STON2: variants seen among roughly 807,000 people sequenced by gnomAD.
STON2 encodes the protein stonin-2.
In STON2, 29 loss-of-function variants were observed where a neutral mutation model predicts 65.7. The observed-to-expected ratio is 0.44, with a 90% CI of 0.33 to 0.60. The LOEUF (loss-of-function observed/expected upper bound fraction) is 0.60, where lower values mean the gene tolerates loss of function less well. STON2 is among the 20% of genes least tolerant of loss of function. The probability of loss-of-function intolerance (pLI) is 0.03; values close to 1 mark genes in which losing one functional copy is unlikely to be tolerated. For missense variants in STON2, 1,054 were observed against 1,118.1 expected, an observed-to-expected ratio of 0.94 and a Z score of 0.82; for synonymous variants, 404 against 414.2, an observed-to-expected ratio of 0.98 and a Z score of 0.30.
chr14:81,271,895 T>C (rs1275321902), intron 6 of STON2, among the ~76,000 whole-genome samples: 1 of 152,148 alleles, frequency 6.6e-6, no homozygotes, highest in East Asian at 1.9e-4. Context: ...CTTCATTTTA[T>C]AGTCGAGGAA....
upstream of STON2, among the ~76,000 whole-genome samples, chr14:81,401,813 T>G (rs776511749): frequency 1.3e-5 from 2 of 152,150 alleles, no homozygotes; most frequent in Non-Finnish European, 2.9e-5. Context: ...ATGGGGGTCA[T>G]AGAAGTAGTT....
At chr14:81,292,589 G>A (rs1382607781) in intron 5 of STON2, among the ~76,000 whole-genome samples, 1 of 152,182 alleles carries the variant, frequency 6.6e-6, no homozygotes, top group East Asian at 1.9e-4. Context: ...CTGCCACCAT[G>A]TGAAGAAGGA....
chr14:81,391,102 TC>T (rs1419348198), intron 3 of STON2, among the ~76,000 whole-genome samples: 2 of 152,156 alleles, frequency 1.3e-5, no homozygotes, highest in Non-Finnish European at 2.9e-5. Context: ...CATCTCAAAA[TC>T]CTTACTCTCA....
At chr14:81,394,534 T>C (rs1900224113) in intron 3 of STON2, among the ~76,000 whole-genome samples, 1 of 152,164 alleles carries the variant, frequency 6.6e-6, no homozygotes, top group African/African-American at 2.4e-5. Context: ...CTGATGTGAT[T>C]ATGTTAAGGA....
In STON2 at chr14:81,261,521, G is replaced by T. The variant is rs1429275356; in HGVS notation, c.*6893C>A. On this transcript the variant is annotated 3_prime_UTR_variant, in exon 8 of 8. Transcript: ENST00000614646. ...AAAATTTTTTTAACTACAATTTGAT[G>T]TTACTAAGAGACAACGAGGATACAG... is the stretch of plus-strand genomic sequence containing the variant. The T allele has an allele frequency of 6.4e-6, 2 of 312,226 alleles. No homozygotes were observed. The highest frequency in any genetic ancestry group is 1.2e-5 in the Non-Finnish European group (2 of 173,136). 19.3% of individuals were successfully genotyped at this position (312,226 alleles called of 1,614,324 possible). A position where few individuals can be genotyped will look rare whatever the true frequency, so the allele number is the denominator to read the frequency against.
rs753081402 is a variant in STON2 at position 81,261,944 on chromosome 14, T to TAAAA, written c.*6466_*6469dup. On this transcript the variant is annotated 3_prime_UTR_variant, in exon 8 of 8. Transcript: ENST00000614646. The stretch of plus-strand genomic sequence containing the variant: ...CTGTTTCTGTTGTCTGGGGAAATGA[T>TAAAA]AAAAAAAAAAAAAAAAAAGAGAGAG... The TAAAA allele has an allele frequency of 1.6e-4, 196 of 1,196,282 alleles. No homozygotes were observed. Among genetic ancestry groups the TAAAA allele is most frequent in the South Asian group, 7.0e-4 (26 of 37,394 alleles). The allele number at this position is 1,196,282 out of a possible 1,614,324, so 74.1% of individuals were successfully genotyped here. A position where few individuals can be genotyped will look rare whatever the true frequency, so the allele number is the denominator to read the frequency against.
rs767411229 is a variant in STON2, at chr14:81,277,476, C to A, written c.2006G>T (p.Arg669Leu). 2 of 1,613,982 alleles carry A rather than the reference C, an allele frequency of 1.2e-6. No homozygotes were observed. Among genetic ancestry groups the A allele is most frequent in the African/African-American group, 1.3e-5 (1 of 74,892 alleles). Residue 669 changes from arginine to leucine, a missense_variant, in exon 6 of 8, where the codon CGC becomes CTC. Physicochemically the swap from Arg to Leu is moderately radical, Grantham distance 102. Transcript: ENST00000614646. ...GACGAGGATGTCATTGAGGCCCAGG[C>A]GGCACTCTGCGAGCCCAGACAGGAA... ...LSFLSGLAEC[R>L]LGLNDILVKG...
rs1054567125 is a variant in STON2 at position 81,413,291 on chromosome 14, G to C, written c.-199+13811C>G. 12 of 1,388,536 alleles carry C rather than the reference G, an allele frequency of 8.6e-6. 1 individual carries two copies. In the Admixed American group the frequency reaches 1.1e-4, roughly 12 times the overall value. 86.0% of individuals were successfully genotyped at this position (1,388,536 alleles called of 1,614,324 possible). On this transcript the variant is annotated intron_variant, in intron 2 of 8. Coordinates refer to the STON2 transcript ENST00000553821. ...GGTCCATCCAAAAACAAGGACTGCAGCCTAAATTCCAAATACCAGAGACTG... is the reference window on the plus strand; with the variant it reads ...GGTCCATCCAAAAACAAGGACTGCACCCTAAATTCCAAATACCAGAGACTG...
At chr14:81,333,151 G>C (rs1028464362) in intron 4 of STON2, 86 of 1,317,226 alleles carry the variant, frequency 6.5e-5, no homozygotes, top group Non-Finnish European at 1.2e-5. Context: ...AAAGCCAGTT[G>C]TCTTGCCACC....
chr14:81,344,940 C>T (rs889018826), intron 4 of STON2, among the ~76,000 whole-genome samples: 1 of 152,162 alleles, frequency 6.6e-6, no homozygotes, highest in East Asian at 1.9e-4. Context: ...AAACTAATCC[C>T]TTGGCGAACC....
chr14:81,268,292 A>G lies in STON2; in HGVS notation c.*122T>C, dbSNP rs1299088714. On this transcript the variant is annotated 3_prime_UTR_variant, in exon 8 of 8. Transcript: ENST00000614646. ...AGGAAGATCTGGTATACTGTTCCCA[A>G]CATGCAGTGGCCACAGCAGGTATTG... 8.2e-7 allele frequency: 1 copy of G among 1,222,230 alleles called. No individual in the cohort carries two copies. The highest frequency in any genetic ancestry group is 1.6e-5 in the African/African-American group (1 of 63,456). The allele number at this position is 1,222,230 out of a possible 1,614,324, so 75.7% of individuals were successfully genotyped here. A position where few individuals can be genotyped will look rare whatever the true frequency, so the allele number is the denominator to read the frequency against.
chr14:81,304,954 C>T (rs895211683), intron 5 of STON2, among the ~76,000 whole-genome samples: 2 of 152,072 alleles, frequency 1.3e-5, no homozygotes, highest in Non-Finnish European at 2.9e-5. Context: ...CCCCTTTGTA[C>T]CCCCTTCCTA....
At chr14:81,392,686 T>A (rs1398868525) in intron 3 of STON2, among the ~76,000 whole-genome samples, 1 of 151,434 alleles carries the variant, frequency 6.6e-6, no homozygotes. Context: ...TCTTAAATAT[T>A]TTTTTAAAAA....
intron 4 of STON2, among the ~76,000 whole-genome samples, chr14:81,339,934 C>T (rs772134901): frequency 6.6e-6 from 1 of 151,994 alleles, no homozygotes; most frequent in Non-Finnish European, 1.5e-5. Flanking sequence ...GCAGGTAGAT[C>T]ACGAGGTCAG....
At chr14:81,302,324 A>C (rs1286166806) in intron 5 of STON2, among the ~76,000 whole-genome samples, 1 of 152,226 alleles carries the variant, frequency 6.6e-6, no homozygotes, top group African/African-American at 2.4e-5. Flanking sequence ...AAGAAGGCCC[A>C]AAATGGCAGA....
Position 81,411,961 on chromosome 14 carries a change from C to T in STON2, c.-198-13381G>A, listed in dbSNP as rs1901187535. Among the ~76,000 whole-genome samples, 3 of 103,942 alleles carry T rather than the reference C, an allele frequency of 2.9e-5. 1 individual carries two copies. The highest frequency in any genetic ancestry group is 5.3e-5 in the Non-Finnish European group (3 of 56,284). The allele number at this position is 103,942 out of a possible 152,430, so 68.2% of individuals were successfully genotyped here. On this transcript the variant is annotated intron_variant, in intron 2 of 8. Transcript: ENST00000553821. ...CTCAAAGACAAGAAGAAGCCAACCA[C>T]GATGGGATGAAAAGTGAAGAGGATT...
intron 2 of STON2, among the ~76,000 whole-genome samples, chr14:81,426,475 C>T (rs1047307183): frequency 1.3e-5 from 2 of 152,146 alleles, no homozygotes; most frequent in Non-Finnish European, 2.9e-5. Flanking sequence ...TAGGGACCCC[C>T]CACACAGATG....
Position 81,266,225 on chromosome 14 carries a change from G to T in STON2, c.*2189C>A. On this transcript the variant is annotated 3_prime_UTR_variant, in exon 8 of 8. Coordinates refer to ENST00000614646, the MANE Select transcript of STON2 (RefSeq NM_001394390.1). ...CGTGGGATAGGTGGTTATTTTAACT[G>T]TTGGGCATTCACAGGAACAGGAAAT... 2.3e-6 allele frequency: 1 copy of T among 428,996 alleles called. No individual in the cohort carries two copies. Among genetic ancestry groups the T allele is most frequent in the Non-Finnish European group, 3.1e-6 (1 of 321,616 alleles). The allele number at this position is 428,996 out of a possible 1,614,324, so 26.6% of individuals were successfully genotyped here.
At chr14:81,351,906 G>A (rs567258120) in intron 4 of STON2, among the ~76,000 whole-genome samples, 9 of 152,316 alleles carry the variant, frequency 5.9e-5, no homozygotes, top group African/African-American at 1.7e-4. Context: ...CACCAGAGGC[G>A]TATAAGCAAA....
Sources: allele counts gnomAD v4.1 joint callset (sites outside exome capture counted in the v4.1 genomes callset), GRCh38; gene constraint gnomAD v4.1.1; transcripts MANE v1.5; gene names NCBI Gene and HGNC (gene_info 2026-07-23, HGNC 2026-07-21).